The following TBX19 variants were observed in gnomAD, a reference collection of about 807,000 sequenced individuals.
TBX19 encodes T-box transcription factor TBX19.
A neutral mutation model predicts 40.9 loss-of-function variants in TBX19; 33 were observed. The ratio of observed to expected loss-of-function variants is 0.81; its 90% CI spans 0.61 to 1.08. TBX19 has a LOEUF of 1.08. Ranked by LOEUF, TBX19 falls within the 50% of genes least tolerant of loss-of-function variation. The pLI, the probability that TBX19 is intolerant of heterozygous loss-of-function variation, is 0.00. For missense variants in TBX19, 494 were observed against 574.0 expected (o/e 0.86, Z 1.42); for synonymous variants, 220 against 225.0 (o/e 0.98, Z 0.20).
At chr1:168,297,819 G>T (rs1226773431) in intron 4 of TBX19, 34 bp downstream of exon 4, 1 of 1,534,508 alleles carries the variant, frequency 6.5e-7, no homozygotes, top group Admixed American at 1.7e-5. Flanking sequence ...ATCTTCTAAT[G>T]AATGATTTAT....
chr1:168,296,159 C>A (rs1322400489), intron 3 of TBX19, among the ~76,000 whole-genome samples: 1 of 152,098 alleles, frequency 6.6e-6, no homozygotes, highest in African/African-American at 2.4e-5. Context: ...TCCTTTGCAC[C>A]CCCTGCTAGC....
rs372115950 is a variant in TBX19 at position 168,291,345 on chromosome 1, A to G, written c.389A>G (p.Asn130Ser). The G allele has an allele frequency of 2.5e-6, 4 of 1,614,042 alleles. No individual in the cohort carries two copies. The highest frequency in any genetic ancestry group is 3.4e-6 in the Non-Finnish European group (4 of 1,180,028). Reference protein sequence around the residue: ...SCVYIHPDSPNFGAHWMKAPI... With the variant: ...SCVYIHPDSPSFGAHWMKAPI... ...GTCTACATTCACCCGGACTCCCCCA[A>G]CTTTGGGGCCCACTGGATGAAAGCT... Residue 130 changes from asparagine to serine, a missense_variant, in exon 2 of 8, where the codon AAC becomes AGC. By Grantham distance (46) the Asn-to-Ser change is conservative. Around this residue, in one of 3 missense-constraint regions of TBX19, gnomAD observed 201 missense variants for 235.2 expected, o/e 0.85. Transcript: ENST00000367821.
At chr1:168,308,188 C>T (rs1190251310) in intron 6 of TBX19, 1 of 155,630 alleles carries the variant, frequency 6.4e-6, no homozygotes, top group Non-Finnish European at 1.4e-5. Context: ...CTCTGTGTTG[C>T]CCAGAGAGGT....
At chr1:168,298,835 CTTTCTTT>C (rs1649191677) in intron 4 of TBX19, among the ~76,000 whole-genome samples, 2 of 59,918 alleles carry the variant, frequency 3.3e-5, no homozygotes, top group African/African-American at 2.1e-4. Flanking sequence ...TTCTTTCTTT[CTTTCTTT>C]CTTTCTTTCT....
At chr1:168,281,418 G>A (rs981882814) in intron 1 of TBX19, 125 bp downstream of exon 1, 3 of 872,892 alleles carry the variant, frequency 3.4e-6, no homozygotes, top group Non-Finnish European at 5.6e-6. Flanking sequence ...CATGCTTACA[G>A]GAACGACTGT....
intron 3 of TBX19, 149 bp from the exon 4 acceptor site, chr1:168,297,575 G>A: frequency 1.4e-6 from 1 of 736,788 alleles, no homozygotes; most frequent in Non-Finnish European, 2.5e-6. Flanking sequence ...GCCTCTCAGA[G>A]TGCTGGGATT....
rs965166497 is a variant in TBX19, at chr1:168,293,360, G to A, written c.603+82G>A. The A allele has an allele frequency of 1.5e-4, 216 of 1,422,028 alleles. 1 individual carries two copies. The highest frequency in any genetic ancestry group is 1.8e-4 in the Non-Finnish European group (195 of 1,069,624). 88.1% of individuals were successfully genotyped at this position (1,422,028 alleles called of 1,614,324 possible). On this transcript the variant is annotated intron_variant, in intron 3 of 7. Transcript: ENST00000367821. ...CCTGGGAGATCATGGCAGGATGGGC[G>A]GGGGGGGTCCTTTTAGATGAAAGGT...
chr1:168,312,192 A>G (rs1240600953), intron 7 of TBX19, among the ~76,000 whole-genome samples: 1 of 152,192 alleles, frequency 6.6e-6, no homozygotes, highest in Non-Finnish European at 1.5e-5. Flanking sequence ...AGGTAGGTAA[A>G]ATTATGAATC....
intron 4 of TBX19, 135 bp downstream of exon 4, chr1:168,297,920 G>C: frequency 2.5e-6 from 2 of 810,112 alleles, no homozygotes; most frequent in Admixed American, 4.2e-5. Context: ...CTTTCGGCCA[G>C]GTGCGGTGGC....
rs1205523992 is a variant in TBX19 at position 168,293,195 on chromosome 1, G to T, written c.520G>T (p.Val174Phe). The T allele has an allele frequency of 6.2e-7, 1 of 1,613,888 alleles. No individual in the cohort carries two copies. Among genetic ancestry groups the T allele is most frequent in the Admixed American group, 1.7e-5 (1 of 59,992 alleles). ...KYEPQVHIVR[V>F]GSAHRMVTNC... ...TGAACCCCAGGTTCACATAGTGCGT[G>T]TTGGAAGTGCCCATCGAATGGTAAC... is the stretch of plus-strand genomic sequence containing the variant. Residue 174 changes from valine (V) to phenylalanine (F), a missense_variant, in exon 3 of 8, where the codon GTT (valine) becomes TTT (phenylalanine). Around this residue, in one of 3 missense-constraint regions of TBX19, gnomAD observed 201 missense variants for 235.2 expected, o/e 0.85. Coordinates refer to ENST00000367821, the MANE Select transcript of TBX19 (RefSeq NM_005149.3).
intron 5 of TBX19, 52 bp from the exon 6 acceptor site, chr1:168,304,956 G>C (rs1422664231): frequency 6.4e-7 from 1 of 1,573,768 alleles, no homozygotes; most frequent in Non-Finnish European, 8.7e-7. Context: ...CCTGATTTTT[G>C]GTGTGGGAGT....
chr1:168,290,790 A>T (rs1049614405), intron 1 of TBX19, among the ~76,000 whole-genome samples: 34 of 152,052 alleles, frequency 2.2e-4, no homozygotes, highest in African/African-American at 8.0e-4. Context: ...ATTATTCAGA[A>T]ATAGTGTTCT....
chr1:168,294,090 C>T (rs1649034755), intron 3 of TBX19, among the ~76,000 whole-genome samples: 1 of 152,080 alleles, frequency 6.6e-6, no homozygotes, highest in Non-Finnish European at 1.5e-5. Flanking sequence ...GACAAATTTT[C>T]TATGTATATG....
intron 1 of TBX19, among the ~76,000 whole-genome samples, chr1:168,284,072 T>C (rs1261043293): frequency 6.6e-6 from 1 of 152,166 alleles, no homozygotes; most frequent in African/African-American, 2.4e-5. Context: ...TGTTGGCCTC[T>C]CTTCTTTCGT....
intron 1 of TBX19, among the ~76,000 whole-genome samples, chr1:168,284,135 C>G (rs1306480231): frequency 6.6e-6 from 1 of 152,120 alleles, no homozygotes; most frequent in Non-Finnish European, 1.5e-5. Flanking sequence ...CTCCCCTCCC[C>G]CATTCTACTA....
At chr1:168,311,633 T>C (rs1391494442) in intron 7 of TBX19, among the ~76,000 whole-genome samples, 1 of 152,270 alleles carries the variant, frequency 6.6e-6, no homozygotes, top group East Asian at 1.9e-4. Flanking sequence ...AATATTTTGT[T>C]AGAAACAAAA....
At chr1:168,302,079 G>A (rs1649286835) in intron 5 of TBX19, among the ~76,000 whole-genome samples, 2 of 152,208 alleles carry the variant, frequency 1.3e-5, no homozygotes, top group Non-Finnish European at 2.9e-5. Context: ...AGGGCCATGT[G>A]CAGAACCATA....
intron 5 of TBX19, among the ~76,000 whole-genome samples, chr1:168,302,810 T>C (rs1212629007): frequency 6.6e-6 from 1 of 152,122 alleles, no homozygotes; most frequent in Non-Finnish European, 1.5e-5. Context: ...TATCTCTTGC[T>C]TAGAGTGAGA....
intron 2 of TBX19, among the ~76,000 whole-genome samples, chr1:168,292,828 C>T (rs528691186): frequency 2.8e-5 from 4 of 143,070 alleles, no homozygotes; most frequent in African/African-American, 1.0e-4. Context: ...AGCGCCACTG[C>T]ACTCCAGCCT....
Sources: gnomAD v4.1 joint callset for allele counts (sites outside exome capture counted in the v4.1 genomes callset) on GRCh38, gnomAD v4.1.1 for gene constraint, gnomAD v4.1.1 regional missense constraint, MANE v1.5 for transcripts, NCBI Gene and HGNC (gene_info 2026-07-23, HGNC 2026-07-21) for gene names.